CCDC158: variants seen among roughly 807,000 people sequenced by gnomAD.
The protein encoded by CCDC158 is coiled-coil domain containing 158.
Under a neutral mutation model 138.6 loss-of-function variants are expected in CCDC158, and 116 were observed. That is an observed-to-expected ratio of 0.84 (90% CI 0.72 to 0.98). The LOEUF (loss-of-function observed/expected upper bound fraction) is 0.98, where lower values mean the gene tolerates loss of function less well. CCDC158 is among the 50% of genes least tolerant of loss of function. The probability of loss-of-function intolerance (pLI) is 0.00; values close to 1 mark genes in which losing one functional copy is unlikely to be tolerated. For missense variants in CCDC158, 1,265 were observed against 1,306.1 expected (o/e 0.97, Z 0.48); for synonymous variants, 436 against 442.4 (o/e 0.99, Z 0.18).
At chr4:76,413,264 A>G (rs977837568) in intron 1 of CCDC158, among the ~76,000 whole-genome samples, 1 of 152,108 alleles carries the variant, frequency 6.6e-6, no homozygotes, top group African/African-American at 2.4e-5. Flanking sequence ...GCTTGAGCTC[A>G]GGAGTTTGAG....
chr4:76,396,293 T>C lies in CCDC158; in HGVS notation c.264A>G (p.Lys88=), dbSNP rs542617635. 6.2e-7 allele frequency: 1 copy of C among 1,613,192 alleles called. No individual in the cohort carries two copies. The highest frequency in any genetic ancestry group is 1.7e-5 in the Admixed American group (1 of 59,948). Residue 88 remains lysine, a synonymous_variant, in exon 4 of 25, where the codon AAA becomes AAG. Transcript: ENST00000682701. ...RVLEEYSHQV[K]DLQRRLNESN... is the part of the protein sequence containing the mutation. ...CTTCATTTAGTCTTCTCTGTAAATC[T>C]TTGACTTGATGTGAATATTCTTCCA... is the stretch of plus-strand genomic sequence containing the variant.
chr4:76,338,176 G>C (rs1015348379), intron 18 of CCDC158, among the ~76,000 whole-genome samples: 6 of 152,206 alleles, frequency 3.9e-5, no homozygotes, highest in African/African-American at 1.4e-4. Context: ...GTGGAGCTAA[G>C]GCAGTGATGC....
At chr4:76,355,202 C>G in intron 15 of CCDC158, 122 bp downstream of exon 15, 1 of 662,454 alleles carries the variant, frequency 1.5e-6, no homozygotes, top group Non-Finnish European at 2.7e-6. Context: ...CCCTTGTTCT[C>G]TCACCTAGAA....
At position 76,382,640 on chromosome 4, in the gene CCDC158, T is replaced by C. The variant is rs768743924; in HGVS notation, c.884A>G (p.Asn295Ser). 3.1e-6 allele frequency: 5 copies of C among 1,612,968 alleles called. No individual in the cohort carries two copies. The East Asian group carries it at 1.1e-4, about 36-fold the overall frequency. The part of the protein sequence containing the change: ...EKASSARSQA[N>S]SIQSQMEIIQ... ...GATTTCCATTTGACTCTGGATACTA[T>C]TGGCTTGGCTTCGAGCACTGCTAGC... The change falls in exon 8 of 25, where the codon AAT (asparagine) becomes AGT (serine). Residue 295 changes from asparagine (N) to serine (S), a missense_variant. Transcript: ENST00000682701.
chr4:76,379,258 T>G, intron 9 of CCDC158, 32 bp downstream of exon 9: 1 of 1,295,752 alleles, frequency 7.7e-7, no homozygotes, highest in Non-Finnish European at 1.1e-6. Context: ...TATTAAAGTC[T>G]CTAGAAACAG....
At chr4:76,402,821 G>T (rs1193723988) in intron 3 of CCDC158, among the ~76,000 whole-genome samples, 2 of 152,026 alleles carry the variant, frequency 1.3e-5, no homozygotes, top group Admixed American at 1.3e-4. Context: ...AGAATGAAAT[G>T]ATACAAAATT....
At chr4:76,331,963 A>G (rs1721050933) in intron 20 of CCDC158, among the ~76,000 whole-genome samples, 2 of 152,062 alleles carry the variant, frequency 1.3e-5, no homozygotes, top group Admixed American at 1.3e-4. Context: ...TCTTATTTGG[A>G]GTTATGGATT....
chr4:76,412,814 T>TA (rs1389401857), intron 1 of CCDC158, among the ~76,000 whole-genome samples: 5 of 152,206 alleles, frequency 3.3e-5, no homozygotes, highest in Admixed American at 3.3e-4. Flanking sequence ...AAAATGTGTT[T>TA]AATTATATGC....
rs552986029 is a variant in CCDC158, at chr4:76,338,868, C to T, written c.2665-4701G>A. Among the ~76,000 whole-genome samples the T allele has an allele frequency of 4.6e-5, 7 of 152,282 alleles. No homozygotes were observed. In the South Asian group the frequency reaches 1.5e-3, roughly 32 times the overall value. ...AGCCAAAATGGATAAAAACAATCATCACTGGAAAGCTTCTTTGAAAAGGGG... is the reference window on the plus strand; with the variant it reads ...AGCCAAAATGGATAAAAACAATCATTACTGGAAAGCTTCTTTGAAAAGGGG... On this transcript the variant is annotated intron_variant, in intron 18 of 24. Transcript: ENST00000682701.
At chr4:76,380,470 T>C (rs547828371) in intron 8 of CCDC158, among the ~76,000 whole-genome samples, 4 of 152,292 alleles carry the variant, frequency 2.6e-5, no homozygotes, top group Non-Finnish European at 5.9e-5. Flanking sequence ...TAGACAGAGA[T>C]GATTCAGGGT....
At chr4:76,411,404 A>C (rs1181646209) in intron 2 of CCDC158, among the ~76,000 whole-genome samples, 15 of 152,174 alleles carry the variant, frequency 9.9e-5, no homozygotes, top group Admixed American at 9.8e-4. Flanking sequence ...CATCTCAAAA[A>C]AACAAAAACC....
chr4:76,371,586 TATAAA>T (rs1300950832), intron 9 of CCDC158, 50 bp from the exon 10 acceptor site: 1 of 1,586,858 alleles, frequency 6.3e-7, no homozygotes, highest in East Asian at 2.2e-5. Flanking sequence ...CAGTGGGTAA[TATAAA>T]ATAAATATAG....
intron 2 of CCDC158, among the ~76,000 whole-genome samples, chr4:76,407,605 T>G (rs558253785): frequency 1.3e-5 from 2 of 152,184 alleles, no homozygotes; most frequent in African/African-American, 2.4e-5. Flanking sequence ...TTCAGGATAA[T>G]GAATGACACT....
chr4:76,334,245 G>A, intron 18 of CCDC158, 78 bp from the exon 19 acceptor site: 252 of 1,294,720 alleles, frequency 1.9e-4, no homozygotes, highest in South Asian at 9.9e-4. Flanking sequence ...TAATGCAACT[G>A]GTAAACAGAA....
chr4:76,407,712 A>G (rs541823426), intron 2 of CCDC158, among the ~76,000 whole-genome samples: 1 of 152,332 alleles, frequency 6.6e-6, no homozygotes, highest in South Asian at 2.1e-4. Context: ...ACAACCAAAT[A>G]CTGGCAAATC....
At chr4:76,314,957 G>A (rs1373401872) in intron 24 of CCDC158, among the ~76,000 whole-genome samples, 1 of 152,208 alleles carries the variant, frequency 6.6e-6, no homozygotes, top group Non-Finnish European at 1.5e-5. Flanking sequence ...CAGACAGGAA[G>A]GGGCAGGTGA....
At chr4:76,364,644 G>C (rs1341242653) in intron 12 of CCDC158, among the ~76,000 whole-genome samples, 4 of 152,106 alleles carry the variant, frequency 2.6e-5, no homozygotes, top group Admixed American at 2.6e-4. Context: ...CACTTACACT[G>C]TATTTCTGGT....
intron 18 of CCDC158, chr4:76,344,998 C>T (rs1479070856): frequency 7.0e-7 from 1 of 1,430,560 alleles, no homozygotes; most frequent in Non-Finnish European, 9.9e-7. Context: ...TAGATGACTT[C>T]TTTGAGCAAG....
At position 76,323,352 on chromosome 4, in the gene CCDC158, C is replaced by CTG; in HGVS notation, c.3225_3226dup (p.Arg1076ThrfsTer3). ...TACCAGAGTTTGCAAGCTTTCTAGT[C>CTG]TGTTCTGAAGCTTCCTGCATGTTTT... On this transcript the variant is annotated frameshift_variant, in exon 24 of 25. Coordinates refer to ENST00000682701, the MANE Select transcript of CCDC158 (RefSeq NM_001394954.1). LOFTEE classifies it high-confidence loss of function. 2 of 1,613,166 alleles carry CTG rather than the reference C, an allele frequency of 1.2e-6. No individual in the cohort carries two copies. Among genetic ancestry groups the CTG allele is most frequent in the South Asian group, 2.2e-5 (2 of 90,770 alleles).
Sources: allele counts gnomAD v4.1 joint callset (sites outside exome capture counted in the v4.1 genomes callset), GRCh38; gene constraint gnomAD v4.1.1; transcripts MANE v1.5; gene names NCBI Gene and HGNC (gene_info 2026-07-23, HGNC 2026-07-21).